The following DNAH1 variants were observed in gnomAD, a reference collection of about 807,000 sequenced individuals.
The protein encoded by DNAH1 is axonemal beta dynein heavy chain 1.
A neutral mutation model predicts 484.3 loss-of-function variants in DNAH1; 327 were observed. The ratio of observed to expected loss-of-function variants is 0.68; its 90% CI spans 0.62 to 0.74. The LOEUF (loss-of-function observed/expected upper bound fraction) is 0.74, where lower values mean the gene tolerates loss of function less well. Ranked by LOEUF, DNAH1 falls within the 30% of genes least tolerant of loss-of-function variation. The pLI, the probability that DNAH1 is intolerant of heterozygous loss-of-function variation, is 0.00. For synonymous variants in DNAH1, 2,192 were observed against 2,191.9 expected (o/e 1.00, Z 0.00); for missense variants, 5,052 against 5,546.8 (o/e 0.91, Z 2.83).
At chr3:52,390,837 A>G in intron 60 of DNAH1, 98 bp from the exon 61 acceptor site, 1 of 1,511,438 alleles carries the variant, frequency 6.6e-7, no homozygotes, top group Non-Finnish European at 8.9e-7. Context: ...AGGAGAGGGA[A>G]GTCCATAGCC....
At chr3:52,327,545 G>A (rs1701391050) in intron 5 of DNAH1, among the ~76,000 whole-genome samples, 2 of 152,124 alleles carry the variant, frequency 1.3e-5, no homozygotes, top group Admixed American at 1.3e-4. Context: ...CCTGAGCTAG[G>A]TGGCCCTGGG....
In DNAH1 at chr3:52,364,596, G is replaced by A. The variant is rs776443821; in HGVS notation, c.5245-42G>A. ...GAGTGTTCCAGGCAGAAGCCTTGGA[G>A]AGGGACAGTGCTCACCCATGCCTCC... On this transcript the variant is annotated intron_variant, in intron 32 of 77. Transcript: ENST00000420323. This position sits in a 1 kb window ranked among gnomAD's most constrained non-coding sequence, Gnocchi z 4.2. The A allele has an allele frequency of 1.9e-6, 3 of 1,608,774 alleles. No individual in the cohort carries two copies. Among genetic ancestry groups the A allele is most frequent in the Non-Finnish European group, 2.6e-6 (3 of 1,175,326 alleles).
Position 52,358,534 on chromosome 3 carries a change from C to T in DNAH1, c.4087-24C>T, listed in dbSNP as rs1008170448. ...ATCTGGGCACACCAGGGTGACCCCA[C>T]TCCTGCTCCTCCACTGCTTGCAGCT... On this transcript the variant is annotated intron_variant, in intron 24 of 77. Coordinates refer to ENST00000420323, the MANE Select transcript of DNAH1 (RefSeq NM_015512.5). This position sits in a 1 kb window ranked among gnomAD's most constrained non-coding sequence, Gnocchi z 4.2. 6.3e-7 allele frequency: 1 copy of T among 1,584,322 alleles called. No individual in the cohort carries two copies.
intron 48 of DNAH1, 127 bp downstream of exon 48, chr3:52,380,262 G>A: frequency 2.5e-6 from 2 of 794,908 alleles, no homozygotes; most frequent in South Asian, 3.6e-5. Context: ...AGGACGCGGG[G>A]TAAGACAGCC....
chr3:52,344,608 A>G lies in DNAH1; in HGVS notation c.1405A>G (p.Thr469Ala). ...CAAGCCCGAGACCTTCTCCTACGTC[A>G]CCCTCCCCAAGAAGGAGGAGGAGCA... is the stretch of plus-strand genomic sequence containing the variant. ...SSKPETFSYV[T>A]LPKKEEEQVP... is the part of the protein sequence containing the mutation. The change falls in exon 9 of 78, where the codon ACC becomes GCC. Residue 469 changes from threonine (T) to alanine (A), a missense_variant. Coordinates refer to ENST00000420323, the MANE Select transcript of DNAH1 (RefSeq NM_015512.5). 1 of 1,613,748 alleles carries G rather than the reference A, an allele frequency of 6.2e-7. No homozygotes were observed. The highest frequency in any genetic ancestry group is 1.1e-5 in the South Asian group (1 of 91,068).
chr3:52,319,021 T>C (rs1252766721), intron 1 of DNAH1, among the ~76,000 whole-genome samples: 1 of 152,198 alleles, frequency 6.6e-6, no homozygotes, highest in East Asian at 1.9e-4. Flanking sequence ...AGAACCACTG[T>C]TGTGATGCTA....
Position 52,361,361 on chromosome 3 carries a change from G to A in DNAH1, c.4874+9G>A. ...TTCAAGGGCCTGGCCAGGTGAGGCT[G>A]GGCATGAGCGTGGCACAGGATGGGG... On this transcript the variant is annotated intron_variant, in intron 29 of 77. Coordinates refer to ENST00000420323, the MANE Select transcript of DNAH1 (RefSeq NM_015512.5). This position sits in a 1 kb window ranked among gnomAD's most constrained non-coding sequence, Gnocchi z 5.6. 1 of 1,563,404 alleles carries A rather than the reference G, an allele frequency of 6.4e-7. No individual in the cohort carries two copies. Among genetic ancestry groups the A allele is most frequent in the Non-Finnish European group, 8.7e-7 (1 of 1,152,656 alleles).
chr3:52,348,886 A>G lies in DNAH1; in HGVS notation c.2107-2A>G. Reference sequence around the variant, plus strand: ...GCCCTGCCACATGCCTTCCCTCTGCAGCTGGTGATGGAGGACATCTTCATC... The same window carrying G: ...GCCCTGCCACATGCCTTCCCTCTGCGGCTGGTGATGGAGGACATCTTCATC... On this transcript the variant is annotated splice_acceptor_variant, in intron 12 of 77. Coordinates refer to ENST00000420323, the MANE Select transcript of DNAH1 (RefSeq NM_015512.5). LOFTEE classifies it high-confidence loss of function. 1 of 1,612,122 alleles carries G rather than the reference A, an allele frequency of 6.2e-7. No homozygotes were observed. The highest frequency in any genetic ancestry group is 8.5e-7 in the Non-Finnish European group (1 of 1,179,492).
rs372111356 is a variant in DNAH1, at chr3:52,386,826, C to G, written c.8976C>G (p.Phe2992Leu). 2.3e-5 allele frequency: 37 copies of G among 1,581,346 alleles called. No individual in the cohort carries two copies. In the Middle Eastern group the frequency reaches 5.0e-4, roughly 21 times the overall value. Residue 2992 changes from phenylalanine to leucine, a missense_variant, in exon 56 of 78, where the codon TTC (phenylalanine) becomes TTG (leucine). Physicochemically the swap from Phe to Leu is conservative, Grantham distance 22 (BLOSUM62 0). Coordinates refer to ENST00000420323, the MANE Select transcript of DNAH1 (RefSeq NM_015512.5). ...GKGLLQDPGH[F>L]LESLFKFDKD... Reference sequence around the variant, plus strand: ...GGCTGCTGCAGGACCCGGGCCACTTCCTTGAGAGCCTCTTCAAGTTTGACA... The same window carrying G: ...GGCTGCTGCAGGACCCGGGCCACTTGCTTGAGAGCCTCTTCAAGTTTGACA...
In DNAH1 at chr3:52,348,951, C is replaced by A. The variant is rs762121402; in HGVS notation, c.2170C>A (p.Pro724Thr). Residue 724 changes from proline (P) to threonine (T), a missense_variant, in exon 13 of 78, where the codon CCA becomes ACA. Pro to Thr is a conservative substitution (Grantham distance 38). Coordinates refer to ENST00000420323, the MANE Select transcript of DNAH1 (RefSeq NM_015512.5). ...PLLESVGLHE[P>T]LVEELRATIA... The stretch of plus-strand genomic sequence containing the variant: ...GCTGGAGTCCGTGGGCCTTCATGAG[C>A]CACTGGTGGAAGAGCTACGGGCCAC... 11 of 1,613,380 alleles carry A rather than the reference C, an allele frequency of 6.8e-6. No individual in the cohort carries two copies. Among genetic ancestry groups the A allele is most frequent in the East Asian group, 6.7e-5 (3 of 44,890 alleles).
chr3:52,322,027 C>T (rs1269719449), intron 1 of DNAH1, among the ~76,000 whole-genome samples: 1 of 152,106 alleles, frequency 6.6e-6, no homozygotes, highest in Non-Finnish European at 1.5e-5. Context: ...ATTGGGTGAG[C>T]AAGCTCTGGG....
intron 63 of DNAH1, 128 bp downstream of exon 63, chr3:52,391,731 C>T (rs1704397787): frequency 1.8e-6 from 2 of 1,121,248 alleles, no homozygotes; most frequent in South Asian, 1.4e-5. Context: ...CAGTTTCACC[C>T]CAGGCACTCA....
chr3:52,313,960 G>A (rs1025699231), upstream of DNAH1, among the ~76,000 whole-genome samples: 15 of 152,272 alleles, frequency 9.9e-5, no homozygotes, highest in South Asian at 6.2e-4. Context: ...CTCCTGCCCC[G>A]TCCAGAGCCC....
intron 43 of DNAH1, 126 bp downstream of exon 43, chr3:52,372,513 G>GC: frequency 1.5e-6 from 2 of 1,306,350 alleles, no homozygotes; most frequent in Non-Finnish European, 1.0e-6. Context: ...GGAGCTGACA[G>GC]CCCCCCAATG....
chr3:52,359,379 G>T lies in DNAH1; in HGVS notation c.4400G>T (p.Cys1467Phe). 1 of 1,569,980 alleles carries T rather than the reference G, an allele frequency of 6.4e-7. No homozygotes were observed. The highest frequency in any genetic ancestry group is 1.2e-5 in the South Asian group (1 of 85,420). Residue 1467 changes from cysteine to phenylalanine, a missense_variant, in exon 26 of 78, where the codon TGC becomes TTC. By Grantham distance (205) the Cys-to-Phe change is radical (BLOSUM62 -2). Around this residue, in one of 4 missense-constraint regions of DNAH1, gnomAD observed 2,929 missense variants for 3,409.4 expected, o/e 0.86. Coordinates refer to ENST00000420323, the MANE Select transcript of DNAH1 (RefSeq NM_015512.5). ...NLRSQLFPQLCQQLSDLVALV... is the reference protein window; with the variant it reads ...NLRSQLFPQLFQQLSDLVALV... ...AGAAGCCAACTGTTCCCCCAGCTCT[G>T]CCAGCAGGTTGGAGTCAAGAGGACC...
intron 2 of DNAH1, among the ~76,000 whole-genome samples, chr3:52,323,354 A>T (rs1701220437): frequency 1.3e-5 from 2 of 152,104 alleles, no homozygotes; most frequent in South Asian, 4.1e-4. Context: ...AATGACGAGG[A>T]GAGAATTCAG....
At chr3:52,343,322 G>A (rs570941093) in intron 8 of DNAH1, among the ~76,000 whole-genome samples, 1 of 152,280 alleles carries the variant, frequency 6.6e-6, no homozygotes, top group Admixed American at 6.5e-5. Flanking sequence ...GGAAGGCAAA[G>A]AGACTGAGGT....
In DNAH1 at chr3:52,396,976, C is replaced by T; in HGVS notation, c.11719C>T (p.Leu3907Phe). ...GGAGGACTTCTACAACCCTGACGTG[C>T]TCTCCCCTGAGCACAGCTACAGCGC... Reference protein sequence around the residue: ...ILEDFYNPDVLSPEHSYSASG... With the variant: ...ILEDFYNPDVFSPEHSYSASG... The change falls in exon 73 of 78, where the codon CTC becomes TTC. Residue 3907 changes from leucine (L) to phenylalanine (F), a missense_variant. Leu to Phe is a conservative substitution (Grantham distance 22). Coordinates refer to ENST00000420323, the MANE Select transcript of DNAH1 (RefSeq NM_015512.5). 6.2e-7 allele frequency: 1 copy of T among 1,613,158 alleles called. No individual in the cohort carries two copies.
At chr3:52,382,188 C>T in intron 49 of DNAH1, 132 bp from the exon 50 acceptor site, 2 of 1,460,124 alleles carry the variant, frequency 1.4e-6, no homozygotes. Context: ...GGTTCAGGGC[C>T]TGAAGGGTCT....
Sources: gnomAD v4.1 joint callset for allele counts (sites outside exome capture counted in the v4.1 genomes callset) on GRCh38, gnomAD v4.1.1 for gene constraint, gnomAD v4.1.1 regional missense constraint, Gnocchi (gnomAD v3.1) non-coding constraint, MANE v1.5 for transcripts, NCBI Gene and HGNC (gene_info 2026-07-23, HGNC 2026-07-21) for gene names.